Variants in MPP7 observed in about 807,000 individuals in gnomAD.
MPP7 encodes the protein MAGUK p55 scaffold protein 7.
A neutral mutation model predicts 76.5 loss-of-function variants in MPP7; 60 were observed. The ratio of observed to expected loss-of-function variants is 0.78; its 90% CI spans 0.64 to 0.97. MPP7 has a LOEUF of 0.97. MPP7 is among the 50% of genes least tolerant of loss of function. The pLI is 0.00. For missense variants in MPP7, 641 were observed against 694.0 expected (o/e 0.92, Z 0.86); for synonymous variants, 237 against 244.5 (o/e 0.97, Z 0.29).
chr10:28,280,921 C>T (rs1199351167), intron 1 of MPP7, among the ~76,000 whole-genome samples: 1 of 151,980 alleles, frequency 6.6e-6, no homozygotes, highest in African/African-American at 2.4e-5. Flanking sequence ...GTACACATTC[C>T]TGTGTCTGAC....
At chr10:28,066,814 G>A (rs749773613) in intron 13 of MPP7, among the ~76,000 whole-genome samples, 16 of 152,086 alleles carry the variant, frequency 1.1e-4, no homozygotes, top group Admixed American at 2.0e-4. Context: ...ACACATTTGC[G>A]GGATTCATTC....
intron 2 of MPP7, among the ~76,000 whole-genome samples, chr10:28,321,638 G>T (rs769127351): frequency 6.6e-6 from 1 of 152,104 alleles, no homozygotes; most frequent in African/African-American, 2.4e-5. Context: ...AGGCTGGAGT[G>T]CAGTGGTGCG....
At chr10:28,093,443 CTTTTT>C (rs1294264349) in intron 11 of MPP7, among the ~76,000 whole-genome samples, 4 of 138,592 alleles carry the variant, frequency 2.9e-5, no homozygotes, top group Admixed American at 7.3e-5. Context: ...TTTTACTTTC[CTTTTT>C]TTTTTTTTTT....
chr10:28,090,337 T>C (rs1299396971), intron 11 of MPP7, among the ~76,000 whole-genome samples: 1 of 152,192 alleles, frequency 6.6e-6, no homozygotes, highest in African/African-American at 2.4e-5. Context: ...AACAATAACT[T>C]AGATTTAATA....
At chr10:28,239,171 G>C (rs1839181975) in intron 1 of MPP7, among the ~76,000 whole-genome samples, 1 of 149,746 alleles carries the variant, frequency 6.7e-6, no homozygotes, top group African/African-American at 2.5e-5. Context: ...TTGATACGGA[G>C]TCTCACTCTG....
At chr10:28,071,396 T>C (rs926229846) in intron 12 of MPP7, among the ~76,000 whole-genome samples, 1 of 152,172 alleles carries the variant, frequency 6.6e-6, no homozygotes, top group Non-Finnish European at 1.5e-5. Flanking sequence ...CTGACCCTTG[T>C]ATAAAAACAC....
chr10:28,216,050 A>C (rs1056570024), intron 2 of MPP7, among the ~76,000 whole-genome samples: 1 of 152,082 alleles, frequency 6.6e-6, no homozygotes, highest in Non-Finnish European at 1.5e-5. Context: ...GAACTTAAAA[A>C]TGTGATCACA....
intron 3 of MPP7, among the ~76,000 whole-genome samples, chr10:28,177,521 A>AAG (rs1836916235): frequency 6.6e-6 from 1 of 152,242 alleles, no homozygotes; most frequent in Non-Finnish European, 1.5e-5. Flanking sequence ...ATTTCAAAAT[A>AAG]ACCTAAGAAT....
intron 2 of MPP7, among the ~76,000 whole-genome samples, chr10:28,223,570 T>C (rs1391368617): frequency 1.3e-5 from 2 of 152,188 alleles, no homozygotes; most frequent in Admixed American, 6.5e-5. Flanking sequence ...ATTTGCTTAT[T>C]GCCATTTGTG....
chr10:28,275,248 TC>T (rs1840456354), intron 1 of MPP7, among the ~76,000 whole-genome samples: 1 of 151,972 alleles, frequency 6.6e-6, no homozygotes, highest in South Asian at 2.1e-4. Context: ...TTCCACTACC[TC>T]CCCAAGACGT....
chr10:28,113,266 C>T (rs552410962), intron 11 of MPP7, among the ~76,000 whole-genome samples: 52 of 152,242 alleles, frequency 3.4e-4, no homozygotes, highest in African/African-American at 1.2e-3. Flanking sequence ...CTCTCTTGCT[C>T]CCCACACACT....
chr10:28,198,334 T>C (rs1011581159), intron 3 of MPP7, among the ~76,000 whole-genome samples: 3 of 152,142 alleles, frequency 2.0e-5, no homozygotes, highest in Non-Finnish European at 4.4e-5. Context: ...CCTAACACTT[T>C]GAGAGTCCGA....
chr10:28,218,084 C>T (rs1838374188), intron 2 of MPP7, among the ~76,000 whole-genome samples: 1 of 152,086 alleles, frequency 6.6e-6, no homozygotes. Flanking sequence ...TACTGAGGAG[C>T]CTGATCAAAG....
At chr10:28,189,807 T>G (rs1837354305) in intron 3 of MPP7, among the ~76,000 whole-genome samples, 1 of 151,916 alleles carries the variant, frequency 6.6e-6, no homozygotes, top group Non-Finnish European at 1.5e-5. Flanking sequence ...GTAAATATGG[T>G]AAATATTAAC....
chr10:28,154,512 T>C (rs1424288664), intron 3 of MPP7, among the ~76,000 whole-genome samples: 1 of 152,174 alleles, frequency 6.6e-6, no homozygotes, highest in Non-Finnish European at 1.5e-5. Context: ...GGAACATGTC[T>C]ATAAAGTCTA....
At chr10:28,299,269 C>G (rs1351334134) in intron 1 of MPP7, among the ~76,000 whole-genome samples, 2 of 152,146 alleles carry the variant, frequency 1.3e-5, no homozygotes, top group Non-Finnish European at 2.9e-5. Context: ...ACGCGACTCT[C>G]CATTCACTTG....
intron 2 of MPP7, among the ~76,000 whole-genome samples, chr10:28,227,221 G>A (rs1838722656): frequency 6.6e-6 from 1 of 152,180 alleles, no homozygotes; most frequent in Non-Finnish European, 1.5e-5. Flanking sequence ...CAAAAAGAAG[G>A]TTTTCCCAAA....
Position 28,157,283 on chromosome 10 carries a change from GGCTA to G in MPP7, c.157-7228_157-7225del, listed in dbSNP as rs143781241. 9.1e-3 allele frequency among the ~76,000 whole-genome samples: 1,383 copies of G among 152,166 alleles called. 21 individuals are homozygous for G. Among genetic ancestry groups the G allele is most frequent in the African/African-American group, 0.031 (1,288 of 41,520 alleles). ...CAGAGTCACTTCAAAGACGATACAG[GGCTA>G]GCTATCACTGTTGTCAGCTCTCATC... On this transcript the variant is annotated intron_variant, in intron 3 of 16. Transcript: ENST00000683449.
chr10:28,113,055 G>A (rs1834553143), intron 11 of MPP7, among the ~76,000 whole-genome samples: 1 of 152,018 alleles, frequency 6.6e-6, no homozygotes, highest in Admixed American at 6.6e-5. Flanking sequence ...TGGGACATAC[G>A]GATACAGCCT....
Sources: gnomAD v4.1 joint callset for allele counts (sites outside exome capture counted in the v4.1 genomes callset) on GRCh38, gnomAD v4.1.1 for gene constraint, MANE v1.5 for transcripts, NCBI Gene and HGNC (gene_info 2026-07-23, HGNC 2026-07-21) for gene names.